The following TOP2B variants were observed in gnomAD, a reference collection of about 807,000 sequenced individuals.
TOP2B encodes the protein DNA topoisomerase 2-beta.
In TOP2B, 51 loss-of-function variants were observed where a neutral mutation model predicts 193.5. The ratio of observed to expected loss-of-function variants is 0.26; its 90% CI spans 0.21 to 0.33. The LOEUF (loss-of-function observed/expected upper bound fraction) is 0.33. TOP2B is among the 10% of genes least tolerant of loss of function. TOP2B has a pLI of 1.00. For synonymous variants in TOP2B, 634 were observed against 635.7 expected (o/e 1.00, Z 0.04); for missense variants, 1,378 against 1,909.3 (o/e 0.72, Z 5.19).
chr3:25,602,974 G>T (rs1260734874), intron 33 of TOP2B, among the ~76,000 whole-genome samples: 1 of 152,144 alleles, frequency 6.6e-6, no homozygotes, highest in East Asian at 1.9e-4. Flanking sequence ...CTGAGGACTT[G>T]CTGGGGTCCC....
At chr3:25,637,107 A>AC (rs1486876849) in intron 6 of TOP2B, 108 bp downstream of exon 6, 3 of 814,128 alleles carry the variant, frequency 3.7e-6, no homozygotes, top group Non-Finnish European at 5.9e-6. Context: ...TTTGGAAAAA[A>AC]AAAATGAAGT....
At position 25,636,042 on chromosome 3, in the gene TOP2B, A is replaced by G; in HGVS notation, c.746T>C (p.Met249Thr). Reference sequence around the variant, plus strand: ...CACAATATCCTTGTCAAGTTTTTCCATCTTAAATTTGGACAGATCTGGTTG... The same window carrying G: ...CACAATATCCTTGTCAAGTTTTTCCGTCTTAAATTTGGACAGATCTGGTTG... Reference protein sequence around the residue: ...TFQPDLSKFKMEKLDKDIVAL... With the variant: ...TFQPDLSKFKTEKLDKDIVAL... Residue 249 changes from methionine to threonine, a missense_variant, in exon 7 of 36, where the codon ATG (methionine) becomes ACG (threonine). Around this residue, in one of 9 missense-constraint regions of TOP2B, gnomAD observed 222 missense variants for 306.6 expected, o/e 0.72. Coordinates refer to ENST00000264331, the MANE Select transcript of TOP2B (RefSeq NM_001330700.2). The G allele has an allele frequency of 1.2e-6, 2 of 1,613,462 alleles. No homozygotes were observed. The highest frequency in any genetic ancestry group is 1.7e-6 in the Non-Finnish European group (2 of 1,179,574).
At chr3:25,662,015 A>G (rs1703929204) in intron 1 of TOP2B, among the ~76,000 whole-genome samples, 1 of 152,224 alleles carries the variant, frequency 6.6e-6, no homozygotes, top group African/African-American at 2.4e-5. Context: ...ACTCGTGCAA[A>G]GGAAAAATTA....
intron 28 of TOP2B, among the ~76,000 whole-genome samples, chr3:25,610,219 A>T (rs1181887858): frequency 6.6e-6 from 1 of 152,150 alleles, no homozygotes; most frequent in South Asian, 2.1e-4. Flanking sequence ...TTGAAGGAAA[A>T]TAAGTAACAT....
Position 25,626,789 on chromosome 3 carries a change from G to C in TOP2B, c.2092C>G (p.Leu698Val). 6.2e-7 allele frequency: 1 copy of C among 1,608,796 alleles called. No individual in the cohort carries two copies. The highest frequency in any genetic ancestry group is 8.5e-7 in the Non-Finnish European group (1 of 1,177,554). The change falls in exon 17 of 36, where the codon CTA (leucine) becomes GTA (valine). Residue 698 changes from leucine (L) to valine (V), a missense_variant. Leu to Val is a conservative substitution (Grantham distance 32). Around this residue, in one of 9 missense-constraint regions of TOP2B, gnomAD observed 379 missense variants for 615.1 expected, o/e 0.62. Coordinates refer to ENST00000264331, the MANE Select transcript of TOP2B (RefSeq NM_001330700.2). ...NFMEDRRQRR[L>V]HGLPEQFLYG... is the part of the protein sequence containing the mutation. The stretch of plus-strand genomic sequence containing the variant: ...AGACTAACCTCTGGTAAGCCATGTA[G>C]CCTACGCTGTCTCCGGTCTTCCATA...
chr3:25,624,648 A>G, intron 19 of TOP2B, 34 bp downstream of exon 19: 2 of 1,607,450 alleles, frequency 1.2e-6, no homozygotes, highest in Non-Finnish European at 1.7e-6. Context: ...GACAATAATT[A>G]CAGTTCTCAA....
intron 1 of TOP2B, among the ~76,000 whole-genome samples, chr3:25,663,684 A>G (rs1703987192): frequency 6.6e-6 from 1 of 152,146 alleles, no homozygotes; most frequent in Admixed American, 6.5e-5. Context: ...AGTCATCCCC[A>G]ATGCGCTCTC....
At chr3:25,604,243 A>C (rs1464226986) in intron 33 of TOP2B, among the ~76,000 whole-genome samples, 1 of 152,196 alleles carries the variant, frequency 6.6e-6, no homozygotes, top group African/African-American at 2.4e-5. Flanking sequence ...CACAAAGCAC[A>C]AATACTGACC....
In TOP2B at chr3:25,633,995, T is replaced by A; in HGVS notation, c.872A>T (p.Tyr291Phe). 1.2e-6 allele frequency: 2 copies of A among 1,606,586 alleles called. No homozygotes were observed. Among genetic ancestry groups the A allele is most frequent in the Non-Finnish European group, 1.7e-6 (2 of 1,177,614 alleles). Residue 291 changes from tyrosine (Y) to phenylalanine (F), a missense_variant, in exon 8 of 36, where the codon TAT (tyrosine) becomes TTT (phenylalanine). Physicochemically the swap from Tyr to Phe is conservative, Grantham distance 22 (BLOSUM62 3). Coordinates refer to ENST00000264331, the MANE Select transcript of TOP2B (RefSeq NM_001330700.2). Reference sequence around the variant, plus strand: ...TTTGTCTTTCACATAAAGATCTACATAACTGCGAAATCCATTTACCTATTA... The same window carrying A: ...TTTGTCTTTCACATAAAGATCTACAAAACTGCGAAATCCATTTACCTATTA... ...KKLPVNGFRS[Y>F]VDLYVKDKLD...
chr3:25,631,028 C>T, intron 10 of TOP2B, 89 bp from the exon 11 acceptor site: 1 of 1,187,336 alleles, frequency 8.4e-7, no homozygotes, highest in Non-Finnish European at 1.1e-6. Flanking sequence ...GACCTGGAAT[C>T]TGTGCAATTT....
At chr3:25,634,126 TGCACCGATCCAAAC>T (rs1460600054) in intron 7 of TOP2B, 112 bp from the exon 8 acceptor site, 8 of 784,084 alleles carry the variant, frequency 1.0e-5, no homozygotes, top group Non-Finnish European at 1.6e-5. Flanking sequence ...CAGTTCTAAG[TGCACCGATCCAAAC>T]CTTAGTGGCA....
At chr3:25,657,317 C>A (rs940383001) in intron 1 of TOP2B, among the ~76,000 whole-genome samples, 22 of 152,192 alleles carry the variant, frequency 1.4e-4, no homozygotes, top group Non-Finnish European at 2.6e-4. Context: ...TGATCCCATC[C>A]CTAGAACAGG....
intron 32 of TOP2B, among the ~76,000 whole-genome samples, chr3:25,605,708 T>C (rs926753831): frequency 6.6e-6 from 1 of 152,104 alleles, no homozygotes; most frequent in Non-Finnish European, 1.5e-5. Flanking sequence ...CGTATATACA[T>C]TCACATTGCC....
intron 16 of TOP2B, 127 bp downstream of exon 16, chr3:25,627,060 G>A: frequency 1.3e-6 from 1 of 752,122 alleles, no homozygotes; most frequent in Non-Finnish European, 2.2e-6. Flanking sequence ...ATCATCTGGG[G>A]GAAAAATTAA....
intron 15 of TOP2B, among the ~76,000 whole-genome samples, chr3:25,627,761 G>A (rs1222055789): frequency 2.0e-5 from 3 of 152,018 alleles, no homozygotes; most frequent in African/African-American, 7.2e-5. Flanking sequence ...CTTGGATCCT[G>A]ACTTTGGAAA....
At chr3:25,632,371 CAAAT>C in intron 10 of TOP2B, 71 bp downstream of exon 10, 1 of 1,298,128 alleles carries the variant, frequency 7.7e-7, no homozygotes, top group Non-Finnish European at 1.1e-6. Context: ...AAACTAATCA[CAAAT>C]AAAGTAAATC....
intron 35 of TOP2B, 28 bp downstream of exon 35, chr3:25,599,407 A>C: frequency 6.2e-7 from 1 of 1,603,794 alleles, no homozygotes; most frequent in African/African-American, 1.3e-5. Flanking sequence ...AAAGCCATGC[A>C]CTAATATGCA....
At chr3:25,638,066 T>A in intron 5 of TOP2B, 99 bp downstream of exon 5, 2 of 1,095,306 alleles carry the variant, frequency 1.8e-6, no homozygotes, top group Non-Finnish European at 2.6e-6. Flanking sequence ...ATTCTGACAA[T>A]GATTTTCTCA....
intron 25 of TOP2B, 61 bp from the exon 26 acceptor site, chr3:25,615,647 T>G (rs1049646635): frequency 7.9e-7 from 1 of 1,270,768 alleles, no homozygotes; most frequent in African/African-American, 1.6e-5. Context: ...ATGTTGAATT[T>G]TATTGAATAA....
Sources: gnomAD v4.1 joint callset for allele counts (sites outside exome capture counted in the v4.1 genomes callset) on GRCh38, gnomAD v4.1.1 for gene constraint, gnomAD v4.1.1 regional missense constraint, MANE v1.5 for transcripts, NCBI Gene and HGNC (gene_info 2026-07-23, HGNC 2026-07-21) for gene names.